The following ADCY9 variants were observed in gnomAD, a reference collection of about 807,000 sequenced individuals.
The protein encoded by ADCY9 is adenylate cyclase 9.
In ADCY9, 50 loss-of-function variants were observed where a neutral mutation model predicts 101.5. That is an observed-to-expected ratio of 0.49 (90% confidence interval 0.39 to 0.62). ADCY9 has a LOEUF of 0.62. Ranked by LOEUF, ADCY9 falls within the 20% of genes least tolerant of loss-of-function variation. The pLI is 0.00. For missense variants in ADCY9, 1,662 were observed against 1,800.4 expected (o/e 0.92, Z 1.39); for synonymous variants, 905 against 769.3 (o/e 1.18, Z -2.92).
intron 2 of ADCY9, among the ~76,000 whole-genome samples, chr16:4,016,092 G>A (rs1051948555): frequency 6.6e-6 from 1 of 152,154 alleles, no homozygotes; most frequent in African/African-American, 2.4e-5. Flanking sequence ...AGGGAAAGAC[G>A]GTGCTTGTCC....
At chr16:3,993,753 C>T (rs1024442953) in intron 3 of ADCY9, among the ~76,000 whole-genome samples, 6 of 152,196 alleles carry the variant, frequency 3.9e-5, no homozygotes, top group African/African-American at 1.2e-4. Flanking sequence ...ACTGACTGAA[C>T]AATGGATCAA....
intron 2 of ADCY9, among the ~76,000 whole-genome samples, chr16:4,103,160 G>A (rs115730131): frequency 0.016 from 2,389 of 152,334 alleles, 55 homozygotes; most frequent in African/African-American, 0.054. Context: ...AATATGTAAT[G>A]GGTGTGACAA....
At chr16:4,112,469 G>C (rs1451298739) in intron 2 of ADCY9, among the ~76,000 whole-genome samples, 1 of 152,156 alleles carries the variant, frequency 6.6e-6, no homozygotes, top group Non-Finnish European at 1.5e-5. Context: ...GCCAGAGAAA[G>C]AGAATGCCAA....
chr16:4,000,992 C>CAT (rs1346585261), intron 3 of ADCY9, among the ~76,000 whole-genome samples: 1 of 149,546 alleles, frequency 6.7e-6, no homozygotes, highest in Admixed American at 6.7e-5. Flanking sequence ...CACACACACA[C>CAT]ACACACACAC....
chr16:4,059,379 G>GCAAAAAAAAAA (rs34159566), intron 2 of ADCY9, among the ~76,000 whole-genome samples: 3 of 118,440 alleles, frequency 2.5e-5, no homozygotes, highest in African/African-American at 3.2e-5. Context: ...AGAATCCATC[G>GCAAAAAAAAAA]AAAAAAAAAA....
At chr16:4,112,868 CTACT>C (rs1172241121) in intron 2 of ADCY9, among the ~76,000 whole-genome samples, 1 of 151,994 alleles carries the variant, frequency 6.6e-6, no homozygotes, top group Non-Finnish European at 1.5e-5. Flanking sequence ...CTTTTTCGTC[CTACT>C]TATTTTAATA....
At chr16:3,955,305 A>C (rs921839084) in intron 5 of ADCY9, among the ~76,000 whole-genome samples, 1 of 152,068 alleles carries the variant, frequency 6.6e-6, no homozygotes, top group Non-Finnish European at 1.5e-5. Context: ...AGAGAGGACC[A>C]CCTGAGGCCA....
chr16:4,067,974 G>A (rs868431227), intron 2 of ADCY9, among the ~76,000 whole-genome samples: 2 of 152,112 alleles, frequency 1.3e-5, no homozygotes, highest in African/African-American at 2.4e-5. Context: ...GGGAAAAACC[G>A]TGGCAATAAT....
chr16:4,031,947 A>G (rs2056557941), intron 2 of ADCY9: 1 of 152,078 alleles, frequency 6.6e-6, no homozygotes, highest in South Asian at 2.1e-4. Context: ...CAAGCCAAAA[A>G]ACAGACAAGC....
intron 2 of ADCY9, among the ~76,000 whole-genome samples, chr16:4,015,985 AGAAAAC>A (rs2056436252): frequency 3.3e-5 from 5 of 151,982 alleles, no homozygotes; most frequent in Admixed American, 1.3e-4. Flanking sequence ...TAAAAGAAAA[AGAAAAC>A]GAAAATGCTG....
chr16:4,113,395 G>A (rs1292702527), intron 2 of ADCY9, among the ~76,000 whole-genome samples: 1 of 152,172 alleles, frequency 6.6e-6, no homozygotes, highest in Non-Finnish European at 1.5e-5. Context: ...TGAATGCAAA[G>A]GCAATTTCCT....
intron 10 of ADCY9, among the ~76,000 whole-genome samples, chr16:3,970,012 T>C (rs1173457901): frequency 1.3e-5 from 2 of 152,172 alleles, no homozygotes; most frequent in Non-Finnish European, 2.9e-5. Context: ...TTGAACTGCA[T>C]TCTAGTCTTT....
At chr16:4,085,592 A>T (rs2056932720) in intron 2 of ADCY9, among the ~76,000 whole-genome samples, 1 of 152,152 alleles carries the variant, frequency 6.6e-6, no homozygotes, top group South Asian at 2.1e-4. Context: ...GGGGAACTCC[A>T]TGTGGGATTC....
At chr16:4,074,506 G>A (rs1374139934) in intron 2 of ADCY9, among the ~76,000 whole-genome samples, 1 of 149,390 alleles carries the variant, frequency 6.7e-6, no homozygotes, top group Non-Finnish European at 1.5e-5. Flanking sequence ...ACCACGCTGG[G>A]CAACATAGTG....
At chr16:4,038,553 C>A (rs1214338118) in intron 2 of ADCY9, among the ~76,000 whole-genome samples, 1 of 152,190 alleles carries the variant, frequency 6.6e-6, no homozygotes, top group Non-Finnish European at 1.5e-5. Flanking sequence ...GTTTGGAAAT[C>A]ACCCAGTTGC....
intron 10 of ADCY9, among the ~76,000 whole-genome samples, chr16:3,970,622 C>T (rs566018903): frequency 1.2e-3 from 177 of 152,358 alleles, no homozygotes; most frequent in African/African-American, 4.1e-3. Context: ...GCCACCATGC[C>T]CGGCCAAAAG....
At chr16:3,994,591 G>C (rs907568853) in intron 3 of ADCY9, among the ~76,000 whole-genome samples, 2 of 152,162 alleles carry the variant, frequency 1.3e-5, no homozygotes, top group African/African-American at 4.8e-5. Flanking sequence ...GAGTAGCTGC[G>C]ATTACAGGTG....
chr16:4,068,775 C>A (rs1229344030), intron 2 of ADCY9, among the ~76,000 whole-genome samples: 1 of 151,210 alleles, frequency 6.6e-6, no homozygotes, highest in Non-Finnish European at 1.5e-5. Flanking sequence ...CAAGATCGAG[C>A]CACTGCACTC....
chr16:3,979,416 G>A (rs2141685481), intron 7 of ADCY9, 141 bp from the exon 8 acceptor site: 2 of 974,850 alleles, frequency 2.1e-6, no homozygotes, highest in East Asian at 2.6e-5. Flanking sequence ...GCAGGCGTGG[G>A]GTGGGAGTCT....
Sources: gnomAD v4.1 joint callset for allele counts (sites outside exome capture counted in the v4.1 genomes callset) on GRCh38, gnomAD v4.1.1 for gene constraint, MANE v1.5 for transcripts, NCBI Gene and HGNC (gene_info 2026-07-23, HGNC 2026-07-21) for gene names.